The following ARL14 variants were observed in gnomAD, a reference collection of about 807,000 sequenced individuals.
ARL14 encodes ARF like GTPase 14, also known as ADP-ribosylation factor-like protein 14.
Under a neutral mutation model 1.1 loss-of-function variants are expected in ARL14, and 3 were observed. The ratio of observed to expected loss-of-function variants is 2.82; its 90% CI spans 1.28 to 7.28. ARL14 has a LOEUF of 7.28. ARL14 is among the 30% of genes most tolerant of loss of function. ARL14 has a pLI of 0.01. For missense variants in ARL14, 264 were observed against 223.8 expected (o/e 1.18, Z -1.15); for synonymous variants, 99 against 84.6 (o/e 1.17, Z -0.93).
chr3:160,678,231 T>C lies in ARL14; in HGVS notation c.*306T>C. The C allele has an allele frequency of 3.9e-6, 1 of 255,292 alleles. No individual in the cohort carries two copies. 15.8% of individuals were successfully genotyped at this position (255,292 alleles called of 1,614,324 possible). ...TTGGGACCAAATAAATTATTTTATA[T>C]GACTACTAGAACAAAGTTTTAGTAA... On this transcript the variant is annotated 3_prime_UTR_variant, in exon 1 of 1. Coordinates refer to ENST00000320767, the MANE Select transcript of ARL14 (RefSeq NM_025047.3).
At position 160,677,215 on chromosome 3, in the gene ARL14, A is replaced by G. The variant is rs1713256236; in HGVS notation, c.-132A>G. On this transcript the variant is annotated 5_prime_UTR_variant, in exon 1 of 1. Transcript: ENST00000320767. ...CTTGTTCTTAGAATACAGCATGAAGAATTTGCTTTCTTCTTTCTTCCTAAC... is the reference window on the plus strand; with the variant it reads ...CTTGTTCTTAGAATACAGCATGAAGGATTTGCTTTCTTCTTTCTTCCTAAC... 4 of 828,406 alleles carry G rather than the reference A, an allele frequency of 4.8e-6. No individual in the cohort carries two copies. In the Admixed American group the frequency reaches 1.2e-4, roughly 25 times the overall value. The allele number at this position is 828,406 out of a possible 1,614,324, so 51.3% of individuals were successfully genotyped here. A position where few individuals can be genotyped will look rare whatever the true frequency, so the allele number is the denominator to read the frequency against.
Position 160,678,192 on chromosome 3 carries a change from T to C in ARL14, c.*267T>C. 2.8e-6 allele frequency: 1 copy of C among 356,676 alleles called. No individual in the cohort carries two copies. Among genetic ancestry groups the C allele is most frequent in the Admixed American group, 4.4e-5 (1 of 22,986 alleles). The allele number at this position is 356,676 out of a possible 1,614,324, so 22.1% of individuals were successfully genotyped here. A position where few individuals can be genotyped will look rare whatever the true frequency, so the allele number is the denominator to read the frequency against. The stretch of plus-strand genomic sequence containing the variant: ...TGTTATCACATTGGATGACTTTGAA[T>C]ATAGTAGTGACACTTGGGACCAAAT... On this transcript the variant is annotated 3_prime_UTR_variant, in exon 1 of 1. Coordinates refer to ENST00000320767, the MANE Select transcript of ARL14 (RefSeq NM_025047.3).
At position 160,677,687 on chromosome 3, in the gene ARL14, A is replaced by C. The variant is rs777940452; in HGVS notation, c.341A>C (p.Lys114Thr). ...FEHILKNEHI[K>T]NVPVVLLANK... ...CACATTTTGAAGAATGAACACATTA[A>C]AAATGTGCCTGTTGTTCTATTAGCC... The change falls in exon 1 of 1, where the codon AAA (lysine) becomes ACA (threonine). Residue 114 changes from lysine to threonine, a missense_variant. Coordinates refer to ENST00000320767, the MANE Select transcript of ARL14 (RefSeq NM_025047.3). 3 of 1,614,142 alleles carry C rather than the reference A, an allele frequency of 1.9e-6. No individual in the cohort carries two copies. The East Asian group carries it at 6.7e-5, about 36-fold the overall frequency.
rs1227775564 is a variant in ARL14 at position 160,677,286 on chromosome 3, G to GAAGA, written c.-46_-43dup. The GAAGA allele has an allele frequency of 2.8e-6, 4 of 1,438,164 alleles. No individual in the cohort carries two copies. The highest frequency in any genetic ancestry group is 3.7e-6 in the Non-Finnish European group (4 of 1,076,668). The allele number at this position is 1,438,164 out of a possible 1,614,324, so 89.1% of individuals were successfully genotyped here. A position where few individuals can be genotyped will look rare whatever the true frequency, so the allele number is the denominator to read the frequency against. On this transcript the variant is annotated 5_prime_UTR_variant, in exon 1 of 1. An upstream open reading frame in the 5' UTR loses its in-frame stop. Coordinates refer to ENST00000320767, the MANE Select transcript of ARL14 (RefSeq NM_025047.3). Reference sequence around the variant, plus strand: ...AAGGACACATTGTCTCTGGCCATTCGAAGAAAGAAAGAAAGAAAAAAAAAA... The same window carrying GAAGA: ...AAGGACACATTGTCTCTGGCCATTCGAAGAAAGAAAGAAAGAAAGAAAAAAAAAA...
Position 160,677,386 on chromosome 3 carries a change from G to T in ARL14, c.40G>T (p.Ala14Ser), listed in dbSNP as rs781128689. 24 of 1,606,524 alleles carry T rather than the reference G, an allele frequency of 1.5e-5. No homozygotes were observed. Among genetic ancestry groups the T allele is most frequent in the Non-Finnish European group, 2.0e-5 (24 of 1,176,328 alleles). ...TTCTAAAAATCCGCAAACCAAACAA[G>T]CCCAAGTTCTTCTTTTGGGACTTGA... ...LGSKNPQTKQ[A>S]QVLLLGLDSA... The change falls in exon 1 of 1, where the codon GCC becomes TCC. Residue 14 changes from alanine to serine, a missense_variant. By Grantham distance (99) the Ala-to-Ser change is moderately conservative. Transcript: ENST00000320767.
rs1192088824 is a variant in ARL14 at position 160,677,804 on chromosome 3, T to C, written c.458T>C (p.Val153Ala). ...KKLCSDRNWYVQPCCALTGEG... is the reference protein window; with the variant it reads ...KKLCSDRNWYAQPCCALTGEG... ...CTTTGCAGTGACCGGAACTGGTATG[T>C]GCAACCCTGCTGTGCCCTCACAGGG... is the stretch of plus-strand genomic sequence containing the variant. Residue 153 changes from valine (V) to alanine (A), a missense_variant, in exon 1 of 1, where the codon GTG (valine) becomes GCG (alanine). By Grantham distance (64) the Val-to-Ala change is moderately conservative. Transcript: ENST00000320767. 6.8e-6 allele frequency: 11 copies of C among 1,614,118 alleles called. No homozygotes were observed. The Admixed American group carries it at 8.3e-5, about 12-fold the overall frequency.
chr3:160,677,420 G>A lies in ARL14; in HGVS notation c.74G>A (p.Gly25Glu), dbSNP rs201732930. Reference protein sequence around the residue: ...QVLLLGLDSAGKSTLLYKLKL... With the variant: ...QVLLLGLDSAEKSTLLYKLKL... ...CTTCTTTTGGGACTTGACTCAGCTG[G>A]GAAGTCTACTCTCCTTTATAAATTA... is the stretch of plus-strand genomic sequence containing the variant. Residue 25 changes from glycine to glutamate, a missense_variant, in exon 1 of 1, where the codon GGG (glycine) becomes GAG (glutamate). Transcript: ENST00000320767. The A allele has an allele frequency of 1.8e-4, 283 of 1,613,652 alleles. 2 individuals carry two copies. The East Asian group carries it at 6.1e-3, about 35-fold the overall frequency.
chr3:160,677,752 A>G lies in ARL14; in HGVS notation c.406A>G (p.Ile136Val), dbSNP rs866395518. The change falls in exon 1 of 1, where the codon ATC (isoleucine) becomes GTC (valine). Residue 136 changes from isoleucine (I) to valine (V), a missense_variant. Physicochemically the swap from Ile to Val is conservative, Grantham distance 29. Coordinates refer to ENST00000320767, the MANE Select transcript of ARL14 (RefSeq NM_025047.3). ...DMPGALTAED[I>V]TRMFKVKKLC... ...GCCTGGAGCTCTGACTGCTGAGGAC[A>G]TCACCAGAATGTTCAAAGTGAAGAA... is the stretch of plus-strand genomic sequence containing the variant. The G allele has an allele frequency of 4.3e-6, 7 of 1,614,164 alleles. No homozygotes were observed. In the Middle Eastern group the frequency reaches 8.2e-4, roughly 190 times the overall value.
At position 160,677,907 on chromosome 3, in the gene ARL14, G is replaced by T; in HGVS notation, c.561G>T (p.Ala187=). The T allele has an allele frequency of 6.2e-7, 1 of 1,611,662 alleles. No homozygotes were observed. The highest frequency in any genetic ancestry group is 1.1e-5 in the South Asian group (1 of 90,896). Residue 187 remains alanine (A), a synonymous_variant, in exon 1 of 1, where the codon GCG becomes GCT. Transcript: ENST00000320767. ...SHMKSRGDTL[A]FFKQN is the part of the protein sequence containing the mutation. ...TGAAATCAAGAGGAGACACTTTGGC[G>T]TTCTTCAAGCAGAACTGAGGCTGCG... is the stretch of plus-strand genomic sequence containing the variant.
In ARL14 at chr3:160,677,698, GT is replaced by G; in HGVS notation, c.354del (p.Val119PhefsTer3). 6.2e-7 allele frequency: 1 copy of G among 1,614,106 alleles called. No individual in the cohort carries two copies. The highest frequency in any genetic ancestry group is 1.7e-5 in the Admixed American group (1 of 60,018). On this transcript the variant is annotated frameshift_variant, in exon 1 of 1. Coordinates refer to ENST00000320767, the MANE Select transcript of ARL14 (RefSeq NM_025047.3). LOFTEE classifies it high-confidence loss of function. ...LKNEHIKNVP[V>X]VLLANKQDMP... Reference sequence around the variant, plus strand: ...GAATGAACACATTAAAAATGTGCCTGTTGTTCTATTAGCCAACAAACAAGAC... The same window carrying G: ...GAATGAACACATTAAAAATGTGCCTGTGTTCTATTAGCCAACAAACAAGAC...
rs1713255622 is a variant in ARL14, at chr3:160,677,162, T to G, written c.-185T>G. 2 of 532,874 alleles carry G rather than the reference T, an allele frequency of 3.8e-6. No homozygotes were observed. Among genetic ancestry groups the G allele is most frequent in the Admixed American group, 7.1e-5 (2 of 28,340 alleles). The allele number at this position is 532,874 out of a possible 1,614,324, so 33.0% of individuals were successfully genotyped here. The stretch of plus-strand genomic sequence containing the variant: ...TACTGTTTGCCCATAATCAAGTTGA[T>G]AAGCTACAACATAAACACATCTAGG... On this transcript the variant is annotated 5_prime_UTR_variant, in exon 1 of 1. Coordinates refer to ENST00000320767, the MANE Select transcript of ARL14 (RefSeq NM_025047.3).
rs531088682 is a variant in ARL14, at chr3:160,677,285, C to G, written c.-62C>G. ...AAAGGACACATTGTCTCTGGCCATT[C>G]GAAGAAAGAAAGAAAGAAAAAAAAA... On this transcript the variant is annotated 5_prime_UTR_variant, in exon 1 of 1. Transcript: ENST00000320767. 7.7e-6 allele frequency: 11 copies of G among 1,435,420 alleles called. No homozygotes were observed. The Admixed American group carries it at 1.2e-4, about 15-fold the overall frequency. 88.9% of individuals were successfully genotyped at this position (1,435,420 alleles called of 1,614,324 possible).
At position 160,678,049 on chromosome 3, in the gene ARL14, C is replaced by G. The variant is rs1713294611; in HGVS notation, c.*124C>G. On this transcript the variant is annotated 3_prime_UTR_variant, in exon 1 of 1. Coordinates refer to ENST00000320767, the MANE Select transcript of ARL14 (RefSeq NM_025047.3). ...AACTTTTCCTGAGATGTTATTTCATCTACATTTAGTTAAACAACTTAGAAT... is the reference window on the plus strand; with the variant it reads ...AACTTTTCCTGAGATGTTATTTCATGTACATTTAGTTAAACAACTTAGAAT... 4.7e-6 allele frequency: 4 copies of G among 844,386 alleles called. No individual in the cohort carries two copies. Among genetic ancestry groups the G allele is most frequent in the African/African-American group, 1.7e-5 (1 of 58,168 alleles). The allele number at this position is 844,386 out of a possible 1,614,324, so 52.3% of individuals were successfully genotyped here.
At position 160,677,931 on chromosome 3, in the gene ARL14, C is replaced by T. The variant is rs754186605; in HGVS notation, c.*6C>T. ...CGTTCTTCAAGCAGAACTGAGGCTG[C>T]GAAAAATCCAAGTCTCTACAGAGAC... On this transcript the variant is annotated 3_prime_UTR_variant, in exon 1 of 1. Coordinates refer to ENST00000320767, the MANE Select transcript of ARL14 (RefSeq NM_025047.3). The T allele has an allele frequency of 1.3e-5, 21 of 1,590,068 alleles. No homozygotes were observed. Among genetic ancestry groups the T allele is most frequent in the East Asian group, 1.1e-4 (5 of 44,544 alleles).
Position 160,677,915 on chromosome 3 carries a change from A to T in ARL14, c.569A>T (p.Lys190Met). The T allele has an allele frequency of 6.2e-7, 1 of 1,610,168 alleles. No homozygotes were observed. Among genetic ancestry groups the T allele is most frequent in the Non-Finnish European group, 8.5e-7 (1 of 1,177,462 alleles). Reference protein sequence around the residue: ...KSRGDTLAFFKQN With the variant: ...KSRGDTLAFFMQN ...AGAGGAGACACTTTGGCGTTCTTCA[A>T]GCAGAACTGAGGCTGCGAAAAATCC... The change falls in exon 1 of 1, where the codon AAG becomes ATG. Residue 190 changes from lysine to methionine, a missense_variant. Lys to Met is a moderately conservative substitution (Grantham distance 95, BLOSUM62 -1). Coordinates refer to ENST00000320767, the MANE Select transcript of ARL14 (RefSeq NM_025047.3).
In ARL14 at chr3:160,678,339, C is replaced by T. The variant is rs1353919346; in HGVS notation, c.*414C>T. The T allele has an allele frequency of 5.7e-6, 1 of 175,664 alleles. No homozygotes were observed. The highest frequency in any genetic ancestry group is 2.4e-5 in the African/African-American group (1 of 41,720). The allele number at this position is 175,664 out of a possible 1,614,324, so 10.9% of individuals were successfully genotyped here. A position where few individuals can be genotyped will look rare whatever the true frequency, so the allele number is the denominator to read the frequency against. On this transcript the variant is annotated 3_prime_UTR_variant, in exon 1 of 1. Transcript: ENST00000320767. ...GAATTTCCACCGTGCTCCTATGTAA[C>T]AGCTGGGTGGTGTAAAAAATGAACT...
In ARL14 at chr3:160,677,954, G is replaced by C. The variant is rs1340557777; in HGVS notation, c.*29G>C. Reference sequence around the variant, plus strand: ...TGCGAAAAATCCAAGTCTCTACAGAGACACTGATGAAGTTGAAAGGGTAAT... The same window carrying C: ...TGCGAAAAATCCAAGTCTCTACAGACACACTGATGAAGTTGAAAGGGTAAT... On this transcript the variant is annotated 3_prime_UTR_variant, in exon 1 of 1. Coordinates refer to ENST00000320767, the MANE Select transcript of ARL14 (RefSeq NM_025047.3). 1 of 1,547,870 alleles carries C rather than the reference G, an allele frequency of 6.5e-7. No homozygotes were observed. Among genetic ancestry groups the C allele is most frequent in the Non-Finnish European group, 8.7e-7 (1 of 1,143,642 alleles).
In ARL14 at chr3:160,678,052, C is replaced by T. The variant is rs1713294798; in HGVS notation, c.*127C>T. The T allele has an allele frequency of 2.4e-6, 2 of 818,052 alleles. No individual in the cohort carries two copies. Among genetic ancestry groups the T allele is most frequent in the South Asian group, 2.0e-5 (1 of 49,712 alleles). The allele number at this position is 818,052 out of a possible 1,614,324, so 50.7% of individuals were successfully genotyped here. ...TTTTCCTGAGATGTTATTTCATCTA[C>T]ATTTAGTTAAACAACTTAGAATGAT... On this transcript the variant is annotated 3_prime_UTR_variant, in exon 1 of 1. Coordinates refer to ENST00000320767, the MANE Select transcript of ARL14 (RefSeq NM_025047.3).
chr3:160,678,011 T>A lies in ARL14; in HGVS notation c.*86T>A. The A allele has an allele frequency of 1.6e-6, 2 of 1,237,238 alleles. No homozygotes were observed. The highest frequency in any genetic ancestry group is 2.2e-6 in the Non-Finnish European group (2 of 897,066). The allele number at this position is 1,237,238 out of a possible 1,614,324, so 76.6% of individuals were successfully genotyped here. A position where few individuals can be genotyped will look rare whatever the true frequency, so the allele number is the denominator to read the frequency against. On this transcript the variant is annotated 3_prime_UTR_variant, in exon 1 of 1. Coordinates refer to ENST00000320767, the MANE Select transcript of ARL14 (RefSeq NM_025047.3). ...TCCATGCCAAATGAGGAAATCAAAT[T>A]AATGAGTTGACAAACTTTTCCTGAG...
Sources: gnomAD v4.1 joint callset for allele counts on GRCh38, gnomAD v4.1.1 for gene constraint, MANE v1.5 for transcripts, NCBI Gene and HGNC (gene_info 2026-07-23, HGNC 2026-07-21) for gene names.